Variants in BRPF3 observed in about 807,000 individuals in gnomAD.
BRPF3 encodes the protein bromodomain and PHD finger-containing protein 3.
In BRPF3, 18 loss-of-function variants were observed where a neutral mutation model predicts 102.0. That is an observed-to-expected ratio of 0.18 (90% confidence interval 0.12 to 0.26). The LOEUF (loss-of-function observed/expected upper bound fraction) is 0.26, where lower values mean the gene tolerates loss of function less well. BRPF3 is among the 10% of genes least tolerant of loss of function. BRPF3 has a pLI of 1.00. For synonymous variants in BRPF3, 570 were observed against 614.2 expected, an observed-to-expected ratio of 0.93 and a Z score of 1.06; for missense variants, 1,147 against 1,567.8, an observed-to-expected ratio of 0.73 and a Z score of 4.53.
chr6:36,218,152 A>G, intron 9 of BRPF3, 142 bp downstream of exon 9: 1 of 661,118 alleles, frequency 1.5e-6, no homozygotes, highest in East Asian at 2.9e-5. Flanking sequence ...TCTTATCTGT[A>G]ACTCTGGGAG....
chr6:36,221,830 C>T (rs1768555144), intron 9 of BRPF3, among the ~76,000 whole-genome samples: 4 of 152,086 alleles, frequency 2.6e-5, no homozygotes, highest in Admixed American at 2.6e-4. Context: ...TAAGATGGCC[C>T]CTGTCATGGC....
rs764646708 is a variant in BRPF3, at chr6:36,201,552, G to A, written c.1230G>A (p.Glu410=). 5.0e-6 allele frequency: 8 copies of A among 1,613,968 alleles called. No individual in the cohort carries two copies. Among genetic ancestry groups the A allele is most frequent in the Middle Eastern group, 1.6e-4 (1 of 6,084 alleles). Residue 410 remains glutamate (E), a synonymous_variant, in exon 2 of 13, where the codon GAG becomes GAA. Transcript: ENST00000357641. The surrounding 1 kb of genome is among the most constrained non-coding windows in gnomAD (Gnocchi z 5.1). ...SPRSISETGD[E]EGLKEGDGEE... ...GAAGCATCAGTGAGACTGGCGATGAGGAAGGGCTGAAGGAGGGTGATGGAG... is the reference window on the plus strand; with the variant it reads ...GAAGCATCAGTGAGACTGGCGATGAAGAAGGGCTGAAGGAGGGTGATGGAG...
chr6:36,222,016 G>A (rs1447978808), intron 9 of BRPF3, 152 bp from the exon 10 acceptor site: 1 of 696,182 alleles, frequency 1.4e-6, no homozygotes, highest in Non-Finnish European at 2.4e-6. Flanking sequence ...ACATGGGTTA[G>A]TGTGAGTTTT....
Position 36,230,883 on chromosome 6 carries a change from G to C in BRPF3, c.*274G>C. On this transcript the variant is annotated 3_prime_UTR_variant, in exon 13 of 13. Coordinates refer to ENST00000357641, the MANE Select transcript of BRPF3 (RefSeq NM_015695.3). This position sits in a 1 kb window ranked among gnomAD's most constrained non-coding sequence, Gnocchi z 5.4. ...AGAAGTAGAAACAGCTGTGGGGCTT[G>C]GGCCCAGCTTAGGAGATTGCCCAGA... 2.2e-6 allele frequency: 1 copy of C among 447,144 alleles called. No individual in the cohort carries two copies. The highest frequency in any genetic ancestry group is 4.0e-6 in the Non-Finnish European group (1 of 247,326). The allele number at this position is 447,144 out of a possible 1,614,324, so 27.7% of individuals were successfully genotyped here.
intron 9 of BRPF3, among the ~76,000 whole-genome samples, chr6:36,221,579 C>T (rs1561832528): frequency 6.6e-6 from 1 of 152,172 alleles, no homozygotes; most frequent in Non-Finnish European, 1.5e-5. Flanking sequence ...GCCACCACAC[C>T]CAGCCCACTT....
At position 36,232,056 on chromosome 6, in the gene BRPF3, T is replaced by G. The variant is rs1314823985; in HGVS notation, c.*1447T>G. On this transcript the variant is annotated 3_prime_UTR_variant, in exon 13 of 13. Coordinates refer to ENST00000357641, the MANE Select transcript of BRPF3 (RefSeq NM_015695.3). ...TCACTGCCATTTTTACACACTTGAC[T>G]TTTTAAAAATACAACCAACCAACCA... 6.6e-6 allele frequency: 1 copy of G among 152,644 alleles called. No individual in the cohort carries two copies. The highest frequency in any genetic ancestry group is 1.5e-5 in the Non-Finnish European group (1 of 68,044). 9.5% of individuals were successfully genotyped at this position (152,644 alleles called of 1,614,324 possible).
chr6:36,223,033 T>C (rs1581987047), intron 10 of BRPF3, among the ~76,000 whole-genome samples: 2 of 152,138 alleles, frequency 1.3e-5, no homozygotes, highest in Non-Finnish European at 2.9e-5. Context: ...CTTGTCTCCT[T>C]GGATAAAAGG....
At chr6:36,202,410 A>ACCCCCCC (rs773009912) in intron 2 of BRPF3, among the ~76,000 whole-genome samples, 14 of 102,236 alleles carry the variant, frequency 1.4e-4, no homozygotes, top group South Asian at 3.6e-4. Flanking sequence ...AGCTCTGTGG[A>ACCCCCCC]CCCCCCCCCC....
Position 36,211,567 on chromosome 6 carries a change from GAT to G in BRPF3, c.2482+9_2482+10del. The G allele has an allele frequency of 1.3e-6, 2 of 1,549,820 alleles. No homozygotes were observed. The highest frequency in any genetic ancestry group is 1.7e-6 in the Non-Finnish European group (2 of 1,145,070). On this transcript the variant is annotated splice_region_variant and intron_variant, in intron 7 of 12. Coordinates refer to ENST00000357641, the MANE Select transcript of BRPF3 (RefSeq NM_015695.3). Reference sequence around the variant, plus strand: ...GAAGACGATGGGGACAGAGGTGAGAGATAGTCACAGGCAGGCAGGGGGTTGGA... The same window carrying G: ...GAAGACGATGGGGACAGAGGTGAGAGAGTCACAGGCAGGCAGGGGGTTGGA...
Position 36,201,418 on chromosome 6 carries a change from C to T in BRPF3, c.1096C>T (p.Arg366Cys), listed in dbSNP as rs201472164. 7.1e-5 allele frequency: 115 copies of T among 1,614,088 alleles called. No homozygotes were observed. Among genetic ancestry groups the T allele is most frequent in the Middle Eastern group, 4.9e-4 (3 of 6,062 alleles). ...AGLFMKIEPM[R>C]ETSLNGTIFT... Reference sequence around the variant, plus strand: ...GCTCTTCATGAAGATTGAGCCCATGCGCGAAACCAGCCTCAATGGCACCAT... The same window carrying T: ...GCTCTTCATGAAGATTGAGCCCATGTGCGAAACCAGCCTCAATGGCACCAT... Residue 366 changes from arginine (R) to cysteine (C), a missense_variant, in exon 2 of 13, where the codon CGC becomes TGC. This residue lies in a region of BRPF3 where 157 missense variants were observed against 163.6 expected (regional missense o/e 0.96). Coordinates refer to ENST00000357641, the MANE Select transcript of BRPF3 (RefSeq NM_015695.3). The surrounding 1 kb of genome is among the most constrained non-coding windows in gnomAD (Gnocchi z 5.1).
Position 36,200,229 on chromosome 6 carries a change from A to G in BRPF3, c.-26-68A>G, listed in dbSNP as rs1251577027. 4 of 1,455,494 alleles carry G rather than the reference A, an allele frequency of 2.7e-6. No individual in the cohort carries two copies. The highest frequency in any genetic ancestry group is 3.6e-6 in the Non-Finnish European group (4 of 1,105,956). The allele number at this position is 1,455,494 out of a possible 1,614,324, so 90.2% of individuals were successfully genotyped here. On this transcript the variant is annotated intron_variant, in intron 1 of 12. Transcript: ENST00000357641. The surrounding 1 kb of genome is among the most constrained non-coding windows in gnomAD (Gnocchi z 5.3). ...AGCCAGTCCTCTTGGTGGATGCTTG[A>G]TCATATGGGAGGATGAATGGGTGCA...
At chr6:36,197,364 TCGCTGG>T (rs1339967270) in intron 1 of BRPF3, 1 of 152,452 alleles carries the variant, frequency 6.6e-6, no homozygotes, top group Non-Finnish European at 1.5e-5. Context: ...CCCCGCTCAT[TCGCTGG>T]CGCTCGCTTT....
intron 12 of BRPF3, among the ~76,000 whole-genome samples, chr6:36,229,844 T>C (rs1203624766): frequency 1.3e-5 from 2 of 152,196 alleles, no homozygotes. Context: ...AATCCCCTCA[T>C]AATCCATTTT....
intron 7 of BRPF3, 166 bp from the exon 8 acceptor site, chr6:36,213,714 A>C: frequency 1.3e-6 from 1 of 789,790 alleles, no homozygotes; most frequent in Non-Finnish European, 2.0e-6. Context: ...GAAAAAAAAA[A>C]AAAACCTAAT....
At chr6:36,227,788 G>A (rs1768794915) in intron 11 of BRPF3, among the ~76,000 whole-genome samples, 1 of 152,186 alleles carries the variant, frequency 6.6e-6, no homozygotes, top group South Asian at 2.1e-4. Context: ...TGGTGGGTGG[G>A]GTAAGGTGGT....
Position 36,201,022 on chromosome 6 carries a change from A to G in BRPF3, c.700A>G (p.Ile234Val), listed in dbSNP as rs1237647660. 1.2e-6 allele frequency: 2 copies of G among 1,614,036 alleles called. No individual in the cohort carries two copies. Among genetic ancestry groups the G allele is most frequent in the African/African-American group, 1.3e-5 (1 of 74,914 alleles). Residue 234 changes from isoleucine (I) to valine (V), a missense_variant, in exon 2 of 13, where the codon ATC (isoleucine) becomes GTC (valine). Ile to Val is a conservative substitution (Grantham distance 29). Coordinates refer to ENST00000357641, the MANE Select transcript of BRPF3 (RefSeq NM_015695.3). The surrounding 1 kb of genome is among the most constrained non-coding windows in gnomAD (Gnocchi z 5.1). ...TAGCAATGTTATTCTCTTCTGTGAC[A>G]TCTGCAACCTGGCTGTACACCAGGA... is the stretch of plus-strand genomic sequence containing the variant. Reference protein sequence around the residue: ...HNSNVILFCDICNLAVHQECY... With the variant: ...HNSNVILFCDVCNLAVHQECY...
intron 1 of BRPF3, among the ~76,000 whole-genome samples, chr6:36,197,974 G>A (rs915406281): frequency 2.6e-5 from 4 of 152,126 alleles, no homozygotes; most frequent in Non-Finnish European, 2.9e-5. Flanking sequence ...GCCTGTCTGC[G>A]CTGTTTGGGG....
chr6:36,224,411 G>A (rs1250217614), intron 10 of BRPF3, among the ~76,000 whole-genome samples: 2 of 152,182 alleles, frequency 1.3e-5, no homozygotes, highest in Non-Finnish European at 2.9e-5. Flanking sequence ...AGTGCGTTGA[G>A]TGCAGAGCAA....
At chr6:36,221,116 T>C (rs1253989782) in intron 9 of BRPF3, among the ~76,000 whole-genome samples, 1 of 152,176 alleles carries the variant, frequency 6.6e-6, no homozygotes, top group Admixed American at 6.5e-5. Context: ...CGGTGTACAT[T>C]AGAATTGTAT....
Sources: gnomAD v4.1 joint callset for allele counts (sites outside exome capture counted in the v4.1 genomes callset) on GRCh38, gnomAD v4.1.1 for gene constraint, gnomAD v4.1.1 regional missense constraint, Gnocchi (gnomAD v3.1) non-coding constraint, MANE v1.5 for transcripts, NCBI Gene and HGNC (gene_info 2026-07-23, HGNC 2026-07-21) for gene names.